Variants in CORIN observed in about 807,000 individuals in gnomAD.
CORIN encodes atrial natriuretic peptide-converting enzyme.
Under a neutral mutation model 125.3 loss-of-function variants are expected in CORIN, and 117 were observed. That is an observed-to-expected ratio of 0.93 (90% confidence interval 0.80 to 1.09). The LOEUF is 1.09. Among genes scored for constraint, CORIN ranks in the 50% least tolerant of loss-of-function variants. CORIN has a pLI of 0.00. For synonymous variants in CORIN, 450 were observed against 466.4 expected, an observed-to-expected ratio of 0.96 and a Z score of 0.45; for missense variants, 1,253 against 1,306.7, an observed-to-expected ratio of 0.96 and a Z score of 0.63.
rs1394711486 is a variant in CORIN at position 47,653,669 on chromosome 4, A to G, written c.1736-9T>C. 6.2e-7 allele frequency: 1 copy of G among 1,608,598 alleles called. No individual in the cohort carries two copies. The highest frequency in any genetic ancestry group is 8.5e-7 in the Non-Finnish European group (1 of 1,175,276). ...ATGACTAGGTGAGCATTCTATTAAA[A>G]ACAATATTACTGTTAAAGGGCTGAA... is the stretch of plus-strand genomic sequence containing the variant. On this transcript the variant is annotated splice_polypyrimidine_tract_variant and intron_variant, in intron 12 of 21. Coordinates refer to ENST00000273857, the MANE Select transcript of CORIN (RefSeq NM_006587.4).
At chr4:47,644,732 T>TGACA (rs1723390227) in intron 14 of CORIN, among the ~76,000 whole-genome samples, 1 of 152,154 alleles carries the variant, frequency 6.6e-6, no homozygotes, top group African/African-American at 2.4e-5. Flanking sequence ...ACTCAACTAA[T>TGACA]GACATATAAT....
intron 16 of CORIN, among the ~76,000 whole-genome samples, chr4:47,628,007 T>C (rs1722648805): frequency 6.6e-6 from 1 of 152,192 alleles, no homozygotes; most frequent in South Asian, 2.1e-4. Context: ...AGGATGTTTT[T>C]GCATTTCATT....
chr4:47,782,399 A>G (rs571021592), intron 3 of CORIN, among the ~76,000 whole-genome samples: 47 of 151,896 alleles, frequency 3.1e-4, no homozygotes, highest in South Asian at 8.3e-4. Flanking sequence ...AAAAAAAAAA[A>G]AAAGAAAGAA....
chr4:47,728,083 C>G (rs2109808678), intron 5 of CORIN, among the ~76,000 whole-genome samples: 1 of 152,140 alleles, frequency 6.6e-6, no homozygotes, highest in East Asian at 1.9e-4. Context: ...AAATTGCTTC[C>G]CAATTGCTGA....
chr4:47,693,320 A>T (rs545764031), intron 5 of CORIN, among the ~76,000 whole-genome samples: 4 of 152,210 alleles, frequency 2.6e-5, no homozygotes, highest in Non-Finnish European at 5.9e-5. Flanking sequence ...ATAGTTCACC[A>T]GTGGGCTTGC....
At chr4:47,660,335 T>C (rs1724186832) in intron 12 of CORIN, among the ~76,000 whole-genome samples, 1 of 152,052 alleles carries the variant, frequency 6.6e-6, no homozygotes, top group Admixed American at 6.5e-5. Context: ...AATGGACAAA[T>C]GCGATTACAT....
At chr4:47,632,725 T>TGATGATA (rs1553905877) in intron 16 of CORIN, among the ~76,000 whole-genome samples, 5 of 126,658 alleles carry the variant, frequency 3.9e-5, no homozygotes, top group Admixed American at 8.0e-5. Context: ...TGACAATAGA[T>TGATGATA]GATAGATAGA....
intron 2 of CORIN, among the ~76,000 whole-genome samples, chr4:47,793,652 G>C (rs903621652): frequency 2.0e-5 from 3 of 152,186 alleles, no homozygotes; most frequent in Non-Finnish European, 2.9e-5. Flanking sequence ...CAGACACAGA[G>C]AGAAACATAG....
At chr4:47,788,399 T>C (rs923554406) in intron 2 of CORIN, among the ~76,000 whole-genome samples, 1 of 152,184 alleles carries the variant, frequency 6.6e-6, no homozygotes, top group African/African-American at 2.4e-5. Flanking sequence ...CAAAAGATTG[T>C]AAATAAAACA....
intron 4 of CORIN, among the ~76,000 whole-genome samples, chr4:47,747,492 A>C (rs1728711965): frequency 1.3e-5 from 2 of 151,472 alleles, no homozygotes; most frequent in Admixed American, 6.6e-5. Flanking sequence ...TTCTGAACTG[A>C]GTTATTTTAT....
In CORIN at chr4:47,806,809, T is replaced by A. The variant is rs139697896; in HGVS notation, c.208+94A>T. Reference sequence around the variant, plus strand: ...AGATAATCCTCTCATTGACTGACACTTTGGGTTAAATAAGTACTAAGTAGA... The same window carrying A: ...AGATAATCCTCTCATTGACTGACACATTGGGTTAAATAAGTACTAAGTAGA... On this transcript the variant is annotated intron_variant, in intron 2 of 21. Coordinates refer to ENST00000273857, the MANE Select transcript of CORIN (RefSeq NM_006587.4). 8.3e-5 allele frequency: 109 copies of A among 1,316,580 alleles called. 1 individual carries two copies. The African/African-American group carries it at 1.3e-3, about 16-fold the overall frequency. The allele number at this position is 1,316,580 out of a possible 1,614,324, so 81.6% of individuals were successfully genotyped here.
At chr4:47,691,430 T>C (rs921430091) in intron 6 of CORIN, among the ~76,000 whole-genome samples, 3 of 152,222 alleles carry the variant, frequency 2.0e-5, no homozygotes, top group African/African-American at 7.2e-5. Flanking sequence ...TGTAAAATTG[T>C]GTGCCATGCG....
chr4:47,744,823 T>C (rs61762931), intron 4 of CORIN, among the ~76,000 whole-genome samples: 26,502 of 152,228 alleles, frequency 0.17, 2,990 homozygotes, highest in Non-Finnish European at 0.25. Flanking sequence ...GGAACATTTA[T>C]CAATAATTTG....
intron 11 of CORIN, among the ~76,000 whole-genome samples, chr4:47,662,796 C>T (rs1028440918): frequency 6.6e-6 from 1 of 152,116 alleles, no homozygotes. Context: ...CAGTCTTGCC[C>T]AAAACTGGTA....
At chr4:47,745,070 A>G (rs1480597250) in intron 4 of CORIN, among the ~76,000 whole-genome samples, 2 of 152,240 alleles carry the variant, frequency 1.3e-5, no homozygotes, top group African/African-American at 4.8e-5. Flanking sequence ...GAAAATGAAC[A>G]TTATACAGAT....
At chr4:47,632,741 A>AGATAGATAGATAGAT (rs1560481360) in intron 16 of CORIN, among the ~76,000 whole-genome samples, 2 of 111,838 alleles carry the variant, frequency 1.8e-5, no homozygotes, top group African/African-American at 7.2e-5. Flanking sequence ...ATAGATAGAT[A>AGATAGATAGATAGAT]GATAGATAGA....
intron 5 of CORIN, among the ~76,000 whole-genome samples, chr4:47,739,109 A>G (rs1356898317): frequency 6.6e-6 from 1 of 152,042 alleles, no homozygotes; most frequent in African/African-American, 2.4e-5. Flanking sequence ...AGTCCCAGAA[A>G]GAGATAAAAG....
intron 5 of CORIN, among the ~76,000 whole-genome samples, chr4:47,742,416 G>A (rs577057959): frequency 1.0e-3 from 156 of 152,012 alleles, no homozygotes; most frequent in Middle Eastern, 6.9e-3. Context: ...TATAAAAATT[G>A]TTGAGTGATT....
intron 11 of CORIN, 22 bp downstream of exon 11, chr4:47,665,010 G>T: frequency 2.0e-6 from 3 of 1,524,956 alleles, no homozygotes; most frequent in Non-Finnish European, 2.7e-6. Flanking sequence ...ATAAGGGACT[G>T]GGGTAGATCC....
Sources: allele counts gnomAD v4.1 joint callset (sites outside exome capture counted in the v4.1 genomes callset), GRCh38; gene constraint gnomAD v4.1.1; transcripts MANE v1.5; gene names NCBI Gene and HGNC (gene_info 2026-07-23, HGNC 2026-07-21).